ROBO1: variants seen among roughly 807,000 people sequenced by gnomAD.
ROBO1 encodes the protein roundabout guidance receptor 1, also known as roundabout homolog 1.
Under a neutral mutation model 195.9 loss-of-function variants are expected in ROBO1, and 149 were observed. The observed-to-expected ratio is 0.76, with a 90% CI of 0.67 to 0.87. ROBO1 has a LOEUF of 0.87. ROBO1 is among the 40% of genes least tolerant of loss of function. The pLI is 0.00. For synonymous variants in ROBO1, 816 were observed against 733.2 expected, an observed-to-expected ratio of 1.11 and a Z score of -1.82; for missense variants, 1,933 against 2,068.3, an observed-to-expected ratio of 0.93 and a Z score of 1.27.
At chr3:79,683,557 C>A (rs1206161588) in intron 1 of ROBO1, among the ~76,000 whole-genome samples, 1 of 152,030 alleles carries the variant, frequency 6.6e-6, no homozygotes, top group African/African-American at 2.4e-5. Flanking sequence ...ATGTTTATCA[C>A]TACAAACAAA....
intron 27 of ROBO1, among the ~76,000 whole-genome samples, chr3:78,616,780 T>C (rs1236326085): frequency 1.3e-5 from 2 of 152,166 alleles, no homozygotes; most frequent in Non-Finnish European, 2.9e-5. Flanking sequence ...TGGGAATGTA[T>C]ATATTAATTC....
intron 1 of ROBO1, among the ~76,000 whole-genome samples, chr3:79,648,887 G>A (rs1300371295): frequency 6.6e-6 from 1 of 151,956 alleles, no homozygotes; most frequent in Non-Finnish European, 1.5e-5. Flanking sequence ...TTTCTCAATG[G>A]CCATATTAGA....
In ROBO1 at chr3:79,691,787, C is replaced by T. The variant is rs186070409; in HGVS notation, c.-51+75965G>A. On this transcript the variant is annotated intron_variant, in intron 1 of 30. Coordinates refer to ENST00000464233, the MANE Select transcript of ROBO1 (RefSeq NM_002941.4). ...ATTCTTAACATTGTCATTATTTCTA[C>T]GTAATAGAAGTTCAAATTGTAATAT... Among the ~76,000 whole-genome samples the T allele has an allele frequency of 3.9e-5, 6 of 151,938 alleles. No individual in the cohort carries two copies. In the South Asian group the frequency reaches 6.2e-4, roughly 16 times the overall value.
chr3:79,124,916 G>A (rs1173155771), intron 3 of ROBO1, among the ~76,000 whole-genome samples: 1 of 151,842 alleles, frequency 6.6e-6, no homozygotes, highest in African/African-American at 2.4e-5. Context: ...TATTATGCTG[G>A]TGTACACATG....
chr3:78,871,142 G>C (rs2035518656), intron 4 of ROBO1, among the ~76,000 whole-genome samples: 1 of 152,122 alleles, frequency 6.6e-6, no homozygotes, highest in Admixed American at 6.6e-5. Flanking sequence ...CCTTCTGAAA[G>C]AAAGCAAACC....
chr3:79,463,565 C>T (rs1310957992), intron 2 of ROBO1, among the ~76,000 whole-genome samples: 1 of 152,048 alleles, frequency 6.6e-6, no homozygotes, highest in Admixed American at 6.6e-5. Context: ...ATTATTTCCA[C>T]ATAGATTAGC....
At chr3:79,711,651 C>T (rs1022320679) in intron 1 of ROBO1, among the ~76,000 whole-genome samples, 5 of 151,380 alleles carry the variant, frequency 3.3e-5, no homozygotes, top group Non-Finnish European at 7.4e-5. Context: ...TGTTAAAACA[C>T]ATACACACAT....
intron 5 of ROBO1, among the ~76,000 whole-genome samples, chr3:78,743,927 G>A (rs971450863): frequency 7.9e-5 from 12 of 152,138 alleles, no homozygotes; most frequent in African/African-American, 2.4e-4. Flanking sequence ...TGTTTCATCC[G>A]CCAGAAGGAC....
At chr3:79,168,170 G>A (rs987795857) in intron 2 of ROBO1, among the ~76,000 whole-genome samples, 16 of 152,232 alleles carry the variant, frequency 1.1e-4, no homozygotes, top group Non-Finnish European at 1.8e-4. Context: ...CGGCCTGTGT[G>A]TGATTTGGCT....
intron 2 of ROBO1, among the ~76,000 whole-genome samples, chr3:79,470,901 C>G (rs1219459752): frequency 6.6e-6 from 1 of 152,060 alleles, no homozygotes; most frequent in African/African-American, 2.4e-5. Context: ...CAGATTAATA[C>G]AGTAAATATT....
chr3:79,265,232 G>T (rs1416441025), intron 2 of ROBO1, among the ~76,000 whole-genome samples: 1 of 151,646 alleles, frequency 6.6e-6, no homozygotes, highest in Non-Finnish European at 1.5e-5. Flanking sequence ...TCAGGATAGG[G>T]ATGAGTATCT....
intron 4 of ROBO1, among the ~76,000 whole-genome samples, chr3:78,867,403 GTTT>G: frequency 6.6e-6 from 1 of 152,242 alleles, no homozygotes; most frequent in South Asian, 2.1e-4. Context: ...ACTAAAAAGT[GTTT>G]GATTTTTTTT....
chr3:79,323,476 CTTA>C, intron 2 of ROBO1, among the ~76,000 whole-genome samples: 1 of 152,262 alleles, frequency 6.6e-6, no homozygotes, highest in Non-Finnish European at 1.5e-5. Flanking sequence ...GTATCATTAG[CTTA>C]TTAAGCATTC....
intron 2 of ROBO1, among the ~76,000 whole-genome samples, chr3:79,524,526 A>G (rs1941349079): frequency 6.6e-6 from 1 of 152,120 alleles, no homozygotes; most frequent in Non-Finnish European, 1.5e-5. Flanking sequence ...TCTTTTCTAT[A>G]TTATACTTGA....
intron 3 of ROBO1, among the ~76,000 whole-genome samples, chr3:79,115,765 A>G (rs918894586): frequency 1.3e-5 from 2 of 152,178 alleles, no homozygotes; most frequent in African/African-American, 4.8e-5. Flanking sequence ...GTTGGGGTAG[A>G]CGTTCTATGA....
chr3:79,023,781 C>A (rs1217921076), intron 3 of ROBO1, among the ~76,000 whole-genome samples: 2 of 135,998 alleles, frequency 1.5e-5, no homozygotes, highest in African/African-American at 5.5e-5. Flanking sequence ...CGGCTCACTG[C>A]AACCTCCGCC....
intron 1 of ROBO1, among the ~76,000 whole-genome samples, chr3:79,664,451 C>A (rs970525789): frequency 2.6e-5 from 4 of 152,044 alleles, no homozygotes; most frequent in Non-Finnish European, 5.9e-5. Context: ...AAGCTATGGA[C>A]TCCCAGGTGC....
At chr3:78,726,446 G>A (rs1439888002) in intron 5 of ROBO1, among the ~76,000 whole-genome samples, 1 of 152,120 alleles carries the variant, frequency 6.6e-6, no homozygotes, top group Non-Finnish European at 1.5e-5. Flanking sequence ...GAATGAAGTT[G>A]TCTAAAGCAC....
rs1371937532 is a variant in ROBO1, at chr3:79,089,381, C to A, written c.172+36075G>T. Reference sequence around the variant, plus strand: ...GTCAATGACTAAAAATAAACGTCATCATTTTTAATAGCCGACTAGTCAATT... The same window carrying A: ...GTCAATGACTAAAAATAAACGTCATAATTTTTAATAGCCGACTAGTCAATT... On this transcript the variant is annotated intron_variant, in intron 3 of 30. Coordinates refer to ENST00000464233, the MANE Select transcript of ROBO1 (RefSeq NM_002941.4). Among the ~76,000 whole-genome samples the A allele has an allele frequency of 2.0e-5, 3 of 152,054 alleles. No individual in the cohort carries two copies. In the East Asian group the frequency reaches 5.8e-4, roughly 29 times the overall value.
Sources: allele counts gnomAD v4.1 joint callset (sites outside exome capture counted in the v4.1 genomes callset), GRCh38; gene constraint gnomAD v4.1.1; transcripts MANE v1.5; gene names NCBI Gene and HGNC (gene_info 2026-07-23, HGNC 2026-07-21).